Variants in GREM2 observed in about 807,000 individuals in gnomAD.
The protein encoded by GREM2 is gremlin 2, DAN family BMP antagonist, also known as gremlin-2.
GREM2 carries 11 observed loss-of-function variants against 14.2 expected under a neutral mutation model. The observed-to-expected ratio is 0.78, with a 90% CI of 0.49 to 1.28. GREM2 has a LOEUF of 1.28. Ranked by LOEUF, GREM2 falls within the 50% of genes most tolerant of loss-of-function variation. The pLI is 0.00. For missense variants in GREM2, 210 were observed against 218.5 expected (o/e 0.96, Z 0.24); for synonymous variants, 98 against 97.6 (o/e 1.00, Z -0.02).
chr1:240,554,797 C>T (rs1042054489), intron 1 of GREM2, among the ~76,000 whole-genome samples: 2 of 152,128 alleles, frequency 1.3e-5, no homozygotes, highest in East Asian at 1.9e-4. Context: ...TTTCTTGTGC[C>T]TTTTCCTCTA....
intron 1 of GREM2, among the ~76,000 whole-genome samples, chr1:240,511,544 A>G (rs1677829342): frequency 6.6e-6 from 1 of 152,194 alleles, no homozygotes; most frequent in Non-Finnish European, 1.5e-5. Flanking sequence ...TGAGGTTAGG[A>G]GTTGGAGACC....
intron 1 of GREM2, among the ~76,000 whole-genome samples, chr1:240,573,791 C>G (rs1679305189): frequency 1.3e-5 from 2 of 152,206 alleles, no homozygotes; most frequent in Admixed American, 1.3e-4. Flanking sequence ...TGCTTTGTTC[C>G]TTTCCAGCCT....
chr1:240,528,113 T>C (rs1331841670), intron 1 of GREM2, among the ~76,000 whole-genome samples: 1 of 152,204 alleles, frequency 6.6e-6, no homozygotes, highest in Non-Finnish European at 1.5e-5. Context: ...CTCATTTAAC[T>C]CTCACAATAA....
intron 1 of GREM2, among the ~76,000 whole-genome samples, chr1:240,505,749 GAA>G (rs35390997): frequency 1.4e-5 from 2 of 147,930 alleles, no homozygotes; most frequent in East Asian, 2.0e-4. Flanking sequence ...AGAATGATAG[GAA>G]AAAAAAAAGA....
intron 1 of GREM2, among the ~76,000 whole-genome samples, chr1:240,607,947 A>G (rs1228189666): frequency 6.6e-6 from 1 of 152,252 alleles, no homozygotes; most frequent in Non-Finnish European, 1.5e-5. Flanking sequence ...TAAACACAAG[A>G]ATGTATGTGA....
chr1:240,590,845 G>C (rs770010131), intron 1 of GREM2: 2 of 151,612 alleles, frequency 1.3e-5, no homozygotes, highest in Non-Finnish European at 2.9e-5. Flanking sequence ...GAGTGCAGTG[G>C]GGCGATCTCG....
chr1:240,537,276 T>C (rs1341710543), intron 1 of GREM2, among the ~76,000 whole-genome samples: 1 of 152,122 alleles, frequency 6.6e-6, no homozygotes, highest in Admixed American at 6.5e-5. Context: ...CTGGACAAAA[T>C]TAGTTATCTT....
At chr1:240,609,461 A>G (rs1680091087) in intron 1 of GREM2, among the ~76,000 whole-genome samples, 1 of 152,052 alleles carries the variant, frequency 6.6e-6, no homozygotes, top group African/African-American at 2.4e-5. Context: ...CAAAAGAACT[A>G]TCAAGAAGCA....
intron 1 of GREM2, among the ~76,000 whole-genome samples, chr1:240,549,065 G>T (rs781373835): frequency 6.6e-6 from 1 of 152,132 alleles, no homozygotes; most frequent in East Asian, 1.9e-4. Context: ...GGCTAGGCTC[G>T]GTGGATCATG....
intron 1 of GREM2, among the ~76,000 whole-genome samples, chr1:240,585,755 A>G (rs1449600695): frequency 1.3e-4 from 19 of 146,284 alleles, no homozygotes; most frequent in Admixed American, 5.4e-4. Context: ...AAAAAAAAAA[A>G]AGAGAAAGAA....
At chr1:240,515,986 G>A (rs190286962) in intron 1 of GREM2, among the ~76,000 whole-genome samples, 1 of 152,012 alleles carries the variant, frequency 6.6e-6, no homozygotes, top group Non-Finnish European at 1.5e-5. Flanking sequence ...TGAAATCATG[G>A]ATCTTTCTTC....
intron 1 of GREM2, among the ~76,000 whole-genome samples, chr1:240,498,448 C>T (rs1677483370): frequency 6.6e-6 from 1 of 152,136 alleles, no homozygotes; most frequent in South Asian, 2.1e-4. Context: ...GGTGTTCGGC[C>T]ATGGTGACCC....
chr1:240,560,901 C>T (rs1679024195), intron 1 of GREM2, among the ~76,000 whole-genome samples: 1 of 152,080 alleles, frequency 6.6e-6, no homozygotes, highest in African/African-American at 2.4e-5. Context: ...ATTTCACAGC[C>T]GCTCTTTTTT....
At chr1:240,507,698 A>G (rs779858032) in intron 1 of GREM2, among the ~76,000 whole-genome samples, 3 of 151,502 alleles carry the variant, frequency 2.0e-5, no homozygotes, top group Non-Finnish European at 4.4e-5. Flanking sequence ...CAGGAATAGC[A>G]AAGGCTATAA....
chr1:240,551,901 C>T (rs1678861525), intron 1 of GREM2, among the ~76,000 whole-genome samples: 1 of 152,124 alleles, frequency 6.6e-6, no homozygotes, highest in Non-Finnish European at 1.5e-5. Context: ...TTATGCCAAC[C>T]TTCCTTACAA....
At chr1:240,557,079 A>G (rs1678963205) in intron 1 of GREM2, among the ~76,000 whole-genome samples, 1 of 151,988 alleles carries the variant, frequency 6.6e-6, no homozygotes. Flanking sequence ...CTGAGGTAGG[A>G]GAATTGCTTG....
At chr1:240,537,782 T>TC (rs2103322381) in intron 1 of GREM2, among the ~76,000 whole-genome samples, 1 of 118,560 alleles carries the variant, frequency 8.4e-6, no homozygotes, top group African/African-American at 3.6e-5. Context: ...AGGCTCTGTC[T>TC]CAAAAACAAA....
chr1:240,500,131 T>A (rs949370549), intron 1 of GREM2, among the ~76,000 whole-genome samples: 17 of 152,206 alleles, frequency 1.1e-4, no homozygotes, highest in Admixed American at 8.5e-4. Context: ...CATTTTTATT[T>A]TGCAATCTTT....
chr1:240,579,770 GTGATGGATT>G (rs1179298753), intron 1 of GREM2, among the ~76,000 whole-genome samples: 2 of 152,242 alleles, frequency 1.3e-5, no homozygotes, highest in Non-Finnish European at 2.9e-5. Context: ...GCTTTGAAGT[GTGATGGATT>G]TCAACTGGTA....
Sources: allele counts gnomAD v4.1 joint callset (sites outside exome capture counted in the v4.1 genomes callset), GRCh38; gene constraint gnomAD v4.1.1; transcripts MANE v1.5; gene names NCBI Gene and HGNC (gene_info 2026-07-23, HGNC 2026-07-21).